The following FGL1 variants were observed in gnomAD, a reference collection of about 807,000 sequenced individuals.
FGL1 encodes the protein fibrinogen-like protein 1.
FGL1 carries 59 observed loss-of-function variants against 43.7 expected under a neutral mutation model. The ratio of observed to expected loss-of-function variants is 1.35; its 90% CI spans 1.10 to 1.68. The LOEUF (loss-of-function observed/expected upper bound fraction) is 1.68. Ranked by LOEUF, FGL1 falls within the 40% of genes most tolerant of loss-of-function variation. The probability of loss-of-function intolerance (pLI) is 0.00; values close to 1 mark genes in which losing one functional copy is unlikely to be tolerated. For synonymous variants in FGL1, 192 were observed against 126.5 expected (o/e 1.52, Z -3.48); for missense variants, 596 against 373.0 (o/e 1.60, Z -4.92).
chr8:17,876,584 T>A (rs541437532), intron 3 of FGL1, among the ~76,000 whole-genome samples: 1 of 152,336 alleles, frequency 6.6e-6, no homozygotes, highest in African/African-American at 2.4e-5. Context: ...AATGATTATC[T>A]AAAATTAGTT....
Position 17,893,247 on chromosome 8 carries a change from A to T in FGL1, c.-18+2200T>A, listed in dbSNP as rs575194584. Among the ~76,000 whole-genome samples the T allele has an allele frequency of 2.7e-3, 409 of 152,222 alleles. 1 individual carries two copies. The highest frequency in any genetic ancestry group is 2.8e-3 in the Non-Finnish European group (192 of 68,016). On this transcript the variant is annotated intron_variant, in intron 1 of 7. Coordinates refer to ENST00000427924, the MANE Select transcript of FGL1 (RefSeq NM_004467.4). ...CAACAACAAAAAACACCTAGAGCTT[A>T]AAAAAGAAATTTTCTCATTCCAATG...
At position 17,895,486 on chromosome 8, in the gene FGL1, A is replaced by T. The variant is rs960432422; in HGVS notation, c.-57T>A. ...GAGTCAGAGACCCAGCTCAGGTTCC[A>T]TCCAGACACTCTGCTTCCCAGGATC... On this transcript the variant is annotated 5_prime_UTR_variant, in exon 1 of 8. The change abolishes an upstream ATG in the 5' untranslated region. Coordinates refer to ENST00000427924, the MANE Select transcript of FGL1 (RefSeq NM_004467.4). The T allele has an allele frequency of 5.4e-6, 7 of 1,285,400 alleles. No individual in the cohort carries two copies. Among genetic ancestry groups the T allele is most frequent in the Non-Finnish European group, 7.1e-6 (7 of 985,062 alleles). 79.6% of individuals were successfully genotyped at this position (1,285,400 alleles called of 1,614,324 possible).
chr8:17,874,926 T>TACCACGCCTGGCA (rs2053422620), intron 3 of FGL1, among the ~76,000 whole-genome samples: 1 of 151,890 alleles, frequency 6.6e-6, no homozygotes, highest in Non-Finnish European at 1.5e-5. Flanking sequence ...AGGTGTGAGC[T>TACCACGCCTGGCA]TAGTTTCTAA....
chr8:17,869,124 G>A, intron 5 of FGL1, 120 bp from the exon 6 acceptor site: 1 of 584,990 alleles, frequency 1.7e-6, no homozygotes. Flanking sequence ...CCAAGAATCA[G>A]TTTTCAAAGA....
chr8:17,879,345 C>T (rs1240860394), intron 3 of FGL1, among the ~76,000 whole-genome samples: 2 of 151,986 alleles, frequency 1.3e-5, no homozygotes, highest in Non-Finnish European at 2.9e-5. Context: ...AAAGTCTGCT[C>T]CCCAGCAGTG....
At chr8:17,881,632 G>T (rs1163909023) in intron 3 of FGL1, among the ~76,000 whole-genome samples, 1 of 151,250 alleles carries the variant, frequency 6.6e-6, no homozygotes, top group Non-Finnish European at 1.5e-5. Flanking sequence ...AGGTGATCGA[G>T]ACCATCCTGG....
chr8:17,883,484 T>G (rs1206945485), intron 2 of FGL1, among the ~76,000 whole-genome samples: 4 of 127,838 alleles, frequency 3.1e-5, no homozygotes, highest in Non-Finnish European at 4.6e-5. Context: ...ATAAATAATA[T>G]ATAATATATT....
intron 3 of FGL1, among the ~76,000 whole-genome samples, chr8:17,877,991 C>T (rs2053481387): frequency 6.6e-6 from 1 of 152,090 alleles, no homozygotes; most frequent in African/African-American, 2.4e-5. Flanking sequence ...TGAGACGGGT[C>T]TCACTCTGTT....
At chr8:17,877,986 C>T (rs568632325) in intron 3 of FGL1, among the ~76,000 whole-genome samples, 37 of 152,142 alleles carry the variant, frequency 2.4e-4, no homozygotes, top group Admixed American at 2.0e-3. Context: ...TTATTTGAGA[C>T]GGGTCTCACT....
intron 2 of FGL1, among the ~76,000 whole-genome samples, chr8:17,883,828 C>T (rs1162798486): frequency 7.0e-6 from 1 of 143,260 alleles, no homozygotes; most frequent in South Asian, 2.2e-4. Flanking sequence ...TCTTCCCTTA[C>T]GTTTCCTTTC....
At chr8:17,890,371 A>G (rs1340754744) in intron 1 of FGL1, among the ~76,000 whole-genome samples, 2 of 152,154 alleles carry the variant, frequency 1.3e-5, no homozygotes, top group African/African-American at 2.4e-5. Flanking sequence ...TCCTCAACAC[A>G]TCTCTTTTCC....
intron 1 of FGL1, among the ~76,000 whole-genome samples, chr8:17,888,475 T>C (rs1173185579): frequency 6.6e-6 from 1 of 152,184 alleles, no homozygotes; most frequent in Admixed American, 6.5e-5. Flanking sequence ...AATCTCTTAT[T>C]CCCAGATGTC....
intron 5 of FGL1, 106 bp downstream of exon 5, chr8:17,873,913 C>A: frequency 1.5e-6 from 1 of 669,450 alleles, no homozygotes. Context: ...ATCTGCAAAT[C>A]ATAGCAATTA....
chr8:17,864,948 T>C (rs1040435700), intron 7 of FGL1, among the ~76,000 whole-genome samples, 197 bp from the exon 8 acceptor site: 2 of 152,090 alleles, frequency 1.3e-5, no homozygotes, highest in African/African-American at 4.8e-5. Context: ...ATTTTTTATT[T>C]TTTAATTTTT....
intron 5 of FGL1, 151 bp from the exon 6 acceptor site, chr8:17,869,155 A>G (rs1242310529): frequency 2.0e-6 from 1 of 494,208 alleles, no homozygotes; most frequent in Non-Finnish European, 3.6e-6. Flanking sequence ...ACTCCTTTGT[A>G]TATATAACAT....
chr8:17,869,844 T>G (rs1413483480), intron 5 of FGL1, among the ~76,000 whole-genome samples: 1 of 152,182 alleles, frequency 6.6e-6, no homozygotes, highest in Admixed American at 6.5e-5. Context: ...GGGCGGTGGC[T>G]CACGCCTGTA....
chr8:17,872,631 C>T (rs1403419131), intron 5 of FGL1, among the ~76,000 whole-genome samples: 1 of 152,188 alleles, frequency 6.6e-6, no homozygotes, highest in East Asian at 1.9e-4. Context: ...TGCAGTGTAA[C>T]TTAGCATGCT....
rs764401009 is a variant in FGL1 at position 17,885,604 on chromosome 8, CA to C, written c.-17-34del. On this transcript the variant is annotated intron_variant, in intron 1 of 7. Coordinates refer to ENST00000427924, the MANE Select transcript of FGL1 (RefSeq NM_004467.4). Reference sequence around the variant, plus strand: ...AACAAAAAGAATTTTATAAATGTATCAACCTTGAATTTTTCATGAGACCAGA... The same window carrying C: ...AACAAAAAGAATTTTATAAATGTATCACCTTGAATTTTTCATGAGACCAGA... The C allele has an allele frequency of 1.8e-5, 29 of 1,589,306 alleles. No homozygotes were observed. In the African/African-American group the frequency reaches 3.7e-4, roughly 20 times the overall value.
intron 5 of FGL1, among the ~76,000 whole-genome samples, chr8:17,873,456 C>T (rs895271843): frequency 6.6e-6 from 1 of 152,062 alleles, no homozygotes; most frequent in East Asian, 1.9e-4. Flanking sequence ...GAGCCCAGCC[C>T]TGATCAGCAA....
Sources: allele counts gnomAD v4.1 joint callset (sites outside exome capture counted in the v4.1 genomes callset), GRCh38; gene constraint gnomAD v4.1.1; transcripts MANE v1.5; gene names NCBI Gene and HGNC (gene_info 2026-07-23, HGNC 2026-07-21).